The following VPS41 variants were observed in gnomAD, a reference collection of about 807,000 sequenced individuals.
The protein encoded by VPS41 is VPS41 subunit of HOPS complex.
Under a neutral mutation model 130.9 loss-of-function variants are expected in VPS41, and 85 were observed. The observed-to-expected ratio is 0.65, with a 90% CI of 0.55 to 0.78. The LOEUF (loss-of-function observed/expected upper bound fraction) is 0.78, where lower values mean the gene tolerates loss of function less well. Among genes scored for constraint, VPS41 ranks in the 30% least tolerant of loss-of-function variants. The probability of loss-of-function intolerance (pLI) is 0.00; values close to 1 mark genes in which losing one functional copy is unlikely to be tolerated. For synonymous variants in VPS41, 335 were observed against 332.9 expected (o/e 1.01, Z -0.07); for missense variants, 874 against 1,018.7 (o/e 0.86, Z 1.93).
At chr7:38,819,019 T>TC (rs1785115001) in intron 6 of VPS41, among the ~76,000 whole-genome samples, 1 of 152,222 alleles carries the variant, frequency 6.6e-6, no homozygotes, top group Non-Finnish European at 1.5e-5. Context: ...AGTGAAGGAT[T>TC]CACACATTCT....
At chr7:38,819,182 T>C (rs531692755) in intron 6 of VPS41, among the ~76,000 whole-genome samples, 5 of 152,346 alleles carry the variant, frequency 3.3e-5, no homozygotes, top group South Asian at 4.1e-4. Flanking sequence ...ATCAGGGTCA[T>C]TGCCCACAAG....
intron 5 of VPS41, among the ~76,000 whole-genome samples, chr7:38,828,207 T>C (rs1456251775): frequency 6.6e-6 from 1 of 151,998 alleles, no homozygotes; most frequent in Non-Finnish European, 1.5e-5. Flanking sequence ...TCCTAAAAGT[T>C]TTCTAGAAAC....
chr7:38,802,990 T>A (rs1784761639), intron 7 of VPS41, among the ~76,000 whole-genome samples: 1 of 152,242 alleles, frequency 6.6e-6, no homozygotes, highest in Non-Finnish European at 1.5e-5. Context: ...GGAAAAAGTA[T>A]TTTAGGGCTT....
At chr7:38,809,397 CAAT>C (rs1278432605) in intron 7 of VPS41, among the ~76,000 whole-genome samples, 2 of 148,342 alleles carry the variant, frequency 1.3e-5, no homozygotes, top group African/African-American at 4.9e-5. Flanking sequence ...AATTATACCT[CAAT>C]AAAGCTAGAA....
At chr7:38,817,605 A>G (rs40445) in intron 7 of VPS41, among the ~76,000 whole-genome samples, 142,437 of 152,236 alleles carry the variant, frequency 0.94, 66,785 homozygotes, top group East Asian at 1. Flanking sequence ...GCGACAGAGC[A>G]AGACTCCGTC....
chr7:38,885,631 C>T (rs1584445414), intron 2 of VPS41, among the ~76,000 whole-genome samples: 1 of 152,250 alleles, frequency 6.6e-6, no homozygotes, highest in East Asian at 1.9e-4. Context: ...AGATAATCCA[C>T]ATAAAGGACT....
intron 22 of VPS41, among the ~76,000 whole-genome samples, chr7:38,749,692 C>T (rs1217474020): frequency 2.0e-5 from 3 of 152,160 alleles, no homozygotes; most frequent in African/African-American, 7.2e-5. Flanking sequence ...TTATACAAAA[C>T]AGGCAGACAG....
At chr7:38,840,428 T>C (rs1244032920) in intron 4 of VPS41, among the ~76,000 whole-genome samples, 1 of 152,130 alleles carries the variant, frequency 6.6e-6, no homozygotes, top group Non-Finnish European at 1.5e-5. Context: ...TACTACAATA[T>C]GCTTCCCCTT....
At chr7:38,806,428 T>C (rs1433154938) in intron 7 of VPS41, among the ~76,000 whole-genome samples, 1 of 152,210 alleles carries the variant, frequency 6.6e-6, no homozygotes, top group African/African-American at 2.4e-5. Flanking sequence ...GATAGAATAT[T>C]ATGCAACTAT....
At chr7:38,793,402 TCTTC>T (rs968376658) in intron 9 of VPS41, among the ~76,000 whole-genome samples, 1 of 152,198 alleles carries the variant, frequency 6.6e-6, no homozygotes, top group African/African-American at 2.4e-5. Flanking sequence ...CCTTATCTCC[TCTTC>T]CTTCAACAGA....
At chr7:38,727,024 T>G in intron 27 of VPS41, 36 bp from the exon 28 acceptor site, 2 of 1,484,428 alleles carry the variant, frequency 1.3e-6, no homozygotes, top group Non-Finnish European at 1.8e-6. Context: ...GAGAACTTAA[T>G]GCAACAAGCA....
intron 1 of VPS41, 139 bp downstream of exon 1, chr7:38,909,015 T>TC: frequency 1.2e-5 from 13 of 1,052,000 alleles, no homozygotes; most frequent in South Asian, 2.6e-5. Flanking sequence ...ACTTTCGCCA[T>TC]CCCACCCCGC....
At position 38,771,233 on chromosome 7, in the gene VPS41, T is replaced by C; in HGVS notation, c.1150A>G (p.Ile384Val). 6.2e-7 allele frequency: 1 copy of C among 1,602,992 alleles called. No individual in the cohort carries two copies. The highest frequency in any genetic ancestry group is 8.5e-7 in the Non-Finnish European group (1 of 1,176,600). The change falls in exon 14 of 29, where the codon ATT (isoleucine) becomes GTT (valine). Residue 384 changes from isoleucine (I) to valine (V), a missense_variant. Coordinates refer to ENST00000310301, the MANE Select transcript of VPS41 (RefSeq NM_014396.4). Reference sequence around the variant, plus strand: ...TGTCTTTTAATATTTTTTTGGCTAATTTCAGCTGCCATCAATGCTTCCTTT... The same window carrying C: ...TGTCTTTTAATATTTTTTTGGCTAACTTCAGCTGCCATCAATGCTTCCTTT... ...KYEEALMAAEISQKNIKRHKI... is the reference protein window; with the variant it reads ...KYEEALMAAEVSQKNIKRHKI...
At chr7:38,864,203 G>T (rs1181736023) in intron 3 of VPS41, among the ~76,000 whole-genome samples, 2 of 152,088 alleles carry the variant, frequency 1.3e-5, no homozygotes, top group Non-Finnish European at 2.9e-5. Context: ...TCTTTAAAAC[G>T]CTTTAATGCT....
chr7:38,892,608 C>T (rs6945239), intron 2 of VPS41, among the ~76,000 whole-genome samples: 95,695 of 152,048 alleles, frequency 0.63, 31,483 homozygotes, highest in East Asian at 0.9. Context: ...TTAATTTGAT[C>T]ATTTGCTTTT....
intron 25 of VPS41, among the ~76,000 whole-genome samples, chr7:38,732,324 G>T (rs184598730): frequency 6.6e-6 from 1 of 152,090 alleles, no homozygotes; most frequent in African/African-American, 2.4e-5. Flanking sequence ...GAAATTCCTG[G>T]GTCATGGAGT....
In VPS41 at chr7:38,777,163, G is replaced by A. The variant is rs117334012; in HGVS notation, c.785-387C>T. On this transcript the variant is annotated intron_variant, in intron 10 of 28. Transcript: ENST00000310301. ...ATAATTTTTTAAAATTCCTGAGTTC[G>A]TTTTTCTCAATTGGGGCATTATAGT... 4.5e-3 allele frequency among the ~76,000 whole-genome samples: 682 copies of A among 152,152 alleles called. 2 individuals are homozygous for A. The highest frequency in any genetic ancestry group is 8.1e-3 in the Admixed American group (124 of 15,280).
chr7:38,850,513 T>G (rs935652765), intron 4 of VPS41, among the ~76,000 whole-genome samples: 12 of 152,038 alleles, frequency 7.9e-5, no homozygotes, highest in African/African-American at 2.9e-4. Context: ...TCAAAACGAG[T>G]GTACAAGCAA....
Position 38,752,243 on chromosome 7 carries a change from T to A in VPS41, c.1859A>T (p.Tyr620Phe), listed in dbSNP as rs770361084. 1.7e-5 allele frequency: 28 copies of A among 1,613,890 alleles called. No homozygotes were observed. Among genetic ancestry groups the A allele is most frequent in the Non-Finnish European group, 2.3e-5 (27 of 1,179,910 alleles). ...TAAGTTTGGTCGATCATATTCAGCA[T>A]AAAGACTGATCTGTTTTTCATGGTA... Reference protein sequence around the residue: ...QRYHEKQISLYAEYDRPNLLP... With the variant: ...QRYHEKQISLFAEYDRPNLLP... The change falls in exon 22 of 29, where the codon TAT (tyrosine) becomes TTT (phenylalanine). Residue 620 changes from tyrosine to phenylalanine, a missense_variant. By Grantham distance (22) the Tyr-to-Phe change is conservative. Transcript: ENST00000310301.
Sources: gnomAD v4.1 joint callset for allele counts (sites outside exome capture counted in the v4.1 genomes callset) on GRCh38, gnomAD v4.1.1 for gene constraint, MANE v1.5 for transcripts, NCBI Gene and HGNC (gene_info 2026-07-23, HGNC 2026-07-21) for gene names.